Variants in GGA2 observed in about 807,000 individuals in gnomAD.
GGA2 encodes the protein golgi associated, gamma adaptin ear containing, ARF binding protein 2, also known as ADP-ribosylation factor-binding protein GGA2.
A neutral mutation model predicts 79.5 loss-of-function variants in GGA2; 48 were observed. That is an observed-to-expected ratio of 0.60 (90% CI 0.48 to 0.77). The LOEUF is 0.77. GGA2 is among the 30% of genes least tolerant of loss of function. GGA2 has a pLI of 0.00. For synonymous variants in GGA2, 317 were observed against 302.0 expected (o/e 1.05, Z -0.51); for missense variants, 770 against 774.0 (o/e 0.99, Z 0.06).
intron 13 of GGA2, 28 bp from the exon 14 acceptor site, chr16:23,475,089 C>T: frequency 6.7e-7 from 1 of 1,491,948 alleles, no homozygotes; most frequent in Non-Finnish European, 9.1e-7. Context: ...ATATCAAAGA[C>T]TAGCAAAAAT....
At chr16:23,513,842 T>C (rs551882841), upstream of GGA2, among the ~76,000 whole-genome samples, 11 of 148,074 alleles carry the variant, frequency 7.4e-5, 1 homozygote, top group African/African-American at 2.5e-4. Context: ...AAAAAAGCAA[T>C]TATCTGAGCT....
Position 23,483,001 on chromosome 16 carries a change from C to A in GGA2, c.802G>T (p.Val268Leu). The A allele has an allele frequency of 6.2e-7, 1 of 1,607,766 alleles. No individual in the cohort carries two copies. The highest frequency in any genetic ancestry group is 2.2e-5 in the East Asian group (1 of 44,846). The change falls in exon 9 of 17, where the codon GTG becomes TTG. Residue 268 changes from valine to leucine, a missense_variant. By Grantham distance (32) the Val-to-Leu change is conservative. Transcript: ENST00000309859. Reference sequence around the variant, plus strand: ...CGCAGCTTTTCACACCTCTCATACACGACCTGAAAGAGCAGAGCTTGGTTC... The same window carrying A: ...CGCAGCTTTTCACACCTCTCATACAAGACCTGAAAGAGCAGAGCTTGGTTC... The part of the protein sequence containing the change: ...APPDQEALQV[V>L]YERCEKLRPT...
At chr16:23,482,827 C>T in intron 9 of GGA2, 96 bp downstream of exon 9, 1 of 804,960 alleles carries the variant, frequency 1.2e-6, no homozygotes, top group East Asian at 2.5e-5. Flanking sequence ...AACCGAAAGT[C>T]CACTCTGTCT....
upstream of GGA2, among the ~76,000 whole-genome samples, chr16:23,512,396 G>A (rs999657173): frequency 6.6e-6 from 1 of 152,172 alleles, no homozygotes; most frequent in African/African-American, 2.4e-5. Flanking sequence ...GAACCTCTGG[G>A]CTGGCCACTC....
chr16:23,493,609 C>T (rs746755625), intron 3 of GGA2, 151 bp from the exon 4 acceptor site: 44 of 610,512 alleles, frequency 7.2e-5, no homozygotes, highest in Non-Finnish European at 1.2e-4. Context: ...ATGAAGAGGA[C>T]GTTTTCAGAT....
chr16:23,481,804 G>A (rs1964652254), intron 9 of GGA2, among the ~76,000 whole-genome samples: 1 of 152,078 alleles, frequency 6.6e-6, no homozygotes, highest in Non-Finnish European at 1.5e-5. Context: ...GATTGCAGAG[G>A]GCATGCACAT....
chr16:23,498,992 G>A (rs1034304039), intron 1 of GGA2, among the ~76,000 whole-genome samples: 7 of 152,104 alleles, frequency 4.6e-5, no homozygotes, highest in African/African-American at 1.7e-4. Flanking sequence ...AGGGAGAGAA[G>A]AGCAGAGGCA....
rs1373679973 is a variant in GGA2 at position 23,491,670 on chromosome 16, G to A, written c.475+7C>T. ...GAGGAAATAAGACACAGTAAGGCAA[G>A]TCAGACCTTGTTTCTTCAGCATCTG... On this transcript the variant is annotated splice_region_variant and intron_variant, in intron 5 of 16. Coordinates refer to ENST00000309859, the MANE Select transcript of GGA2 (RefSeq NM_015044.4). 3.0e-5 allele frequency: 49 copies of A among 1,612,568 alleles called. No individual in the cohort carries two copies. The highest frequency in any genetic ancestry group is 4.0e-5 in the Non-Finnish European group (47 of 1,178,776).
chr16:23,475,087 G>C (rs942128284), intron 13 of GGA2, 26 bp from the exon 14 acceptor site: 2 of 1,480,240 alleles, frequency 1.4e-6, no homozygotes, highest in South Asian at 1.2e-5. Context: ...AAATATCAAA[G>C]ACTAGCAAAA....
intron 13 of GGA2, among the ~76,000 whole-genome samples, chr16:23,475,400 C>T (rs975230963): frequency 6.6e-6 from 1 of 151,302 alleles, no homozygotes; most frequent in African/African-American, 2.4e-5. Flanking sequence ...ACGTTGGCCG[C>T]GCTGGTCTCA....
chr16:23,506,274 C>T (rs1241168653), intron 1 of GGA2, among the ~76,000 whole-genome samples: 1 of 152,048 alleles, frequency 6.6e-6, no homozygotes, highest in African/African-American at 2.4e-5. Flanking sequence ...CCACGACCCC[C>T]TTATCCCTCC....
chr16:23,505,414 C>T (rs1249956933), intron 1 of GGA2, among the ~76,000 whole-genome samples: 1 of 152,150 alleles, frequency 6.6e-6, no homozygotes, highest in Non-Finnish European at 1.5e-5. Flanking sequence ...TCCTAGGACA[C>T]CCATACAACG....
In GGA2 at chr16:23,463,554, G is replaced by A. The variant is rs1489803933; in HGVS notation, c.*4036C>T. The A allele has an allele frequency of 6.6e-6, 1 of 152,108 alleles. No homozygotes were observed. Among genetic ancestry groups the A allele is most frequent in the African/African-American group, 2.4e-5 (1 of 41,398 alleles). 9.4% of individuals were successfully genotyped at this position (152,108 alleles called of 1,614,324 possible). ...ACGACACTGAGCATAAAAAAATAAGGTTTTATTTTCAGCTGATTTTAGAAA... is the reference window on the plus strand; with the variant it reads ...ACGACACTGAGCATAAAAAAATAAGATTTTATTTTCAGCTGATTTTAGAAA... On this transcript the variant is annotated 3_prime_UTR_variant, in exon 17 of 17. Coordinates refer to ENST00000309859, the MANE Select transcript of GGA2 (RefSeq NM_015044.4).
At chr16:23,478,624 TGGGGCAAGA>T (rs1964607009) in intron 12 of GGA2, 123 bp from the exon 13 acceptor site, 1 of 966,214 alleles carries the variant, frequency 1.0e-6, no homozygotes, top group Admixed American at 1.8e-5. Flanking sequence ...TGACATCTCT[TGGGGCAAGA>T]GGGGAAAGAA....
At chr16:23,478,737 T>C (rs893632430) in intron 12 of GGA2, 146 bp downstream of exon 12, 3 of 751,242 alleles carry the variant, frequency 4.0e-6, no homozygotes, top group Admixed American at 1.9e-5. Context: ...ACAGTATGGG[T>C]GAGGAAGAGG....
At chr16:23,481,605 T>A (rs1386772725) in intron 9 of GGA2, among the ~76,000 whole-genome samples, 1 of 151,970 alleles carries the variant, frequency 6.6e-6, no homozygotes, top group Non-Finnish European at 1.5e-5. Flanking sequence ...AAACTCCATC[T>A]CTACTAAAAG....
intron 15 of GGA2, chr16:23,469,307 C>T: frequency 3.5e-6 from 1 of 288,346 alleles, no homozygotes; most frequent in Non-Finnish European, 6.8e-6. Context: ...CTCACTAGCT[C>T]TGTGACCTTG....
intron 1 of GGA2, among the ~76,000 whole-genome samples, chr16:23,498,775 G>A (rs1041590750): frequency 6.6e-6 from 1 of 152,060 alleles, no homozygotes; most frequent in Non-Finnish European, 1.5e-5. Flanking sequence ...GAAACCTTAA[G>A]GGCAGAAGCC....
intron 1 of GGA2, among the ~76,000 whole-genome samples, chr16:23,519,832 C>T (rs1965125277): frequency 1.3e-5 from 2 of 152,194 alleles, no homozygotes; most frequent in Admixed American, 1.3e-4. Flanking sequence ...AAATTCCTTT[C>T]ATGGTTTCAG....
Sources: allele counts gnomAD v4.1 joint callset (sites outside exome capture counted in the v4.1 genomes callset), GRCh38; gene constraint gnomAD v4.1.1; transcripts MANE v1.5; gene names NCBI Gene and HGNC (gene_info 2026-07-23, HGNC 2026-07-21).